ST3GAL3: variants seen among roughly 807,000 people sequenced by gnomAD.
The protein encoded by ST3GAL3 is CMP-N-acetylneuraminate-beta-1,4-galactoside alpha-2,3-sialyltransferase.
ST3GAL3 carries 21 observed loss-of-function variants against 50.1 expected under a neutral mutation model. That is an observed-to-expected ratio of 0.42 (90% confidence interval 0.30 to 0.60). The LOEUF is 0.60. Ranked by LOEUF, ST3GAL3 falls within the 20% of genes least tolerant of loss-of-function variation. The pLI, the probability that ST3GAL3 is intolerant of heterozygous loss-of-function variation, is 0.19. For missense variants in ST3GAL3, 353 were observed against 489.4 expected (o/e 0.72, Z 2.63); for synonymous variants, 183 against 190.0 (o/e 0.96, Z 0.30).
chr1:43,860,113 C>A (rs768973751), intron 5 of ST3GAL3, among the ~76,000 whole-genome samples: 9 of 152,194 alleles, frequency 5.9e-5, no homozygotes, highest in Non-Finnish European at 1.0e-4. Flanking sequence ...AGGGCGTATG[C>A]AAGGAGAATG....
intron 11 of ST3GAL3, among the ~76,000 whole-genome samples, chr1:43,928,617 A>C (rs2084457218): frequency 6.7e-6 from 1 of 150,258 alleles, no homozygotes; most frequent in South Asian, 2.1e-4. Context: ...AAACAAAAAC[A>C]TTTATGGTGG....
intron 5 of ST3GAL3, among the ~76,000 whole-genome samples, chr1:43,885,842 G>A (rs553348043): frequency 2.6e-5 from 4 of 152,200 alleles, no homozygotes; most frequent in Admixed American, 6.5e-5. Context: ...AGCCTCCCTC[G>A]GGGAGTCAGG....
chr1:43,733,720 CA>C (rs1446282649), intron 1 of ST3GAL3, among the ~76,000 whole-genome samples: 3 of 152,180 alleles, frequency 2.0e-5, no homozygotes, highest in Non-Finnish European at 4.4e-5. Flanking sequence ...TCTTTAGATC[CA>C]AGTTCAGAAA....
chr1:43,787,322 G>T (rs1334789769), intron 2 of ST3GAL3, among the ~76,000 whole-genome samples: 1 of 152,194 alleles, frequency 6.6e-6, no homozygotes, highest in African/African-American at 2.4e-5. Flanking sequence ...TTCTTGCTCT[G>T]TTCCTTGCAA....
intron 2 of ST3GAL3, among the ~76,000 whole-genome samples, chr1:43,783,914 C>T (rs1310870458): frequency 1.3e-5 from 2 of 152,158 alleles, no homozygotes; most frequent in African/African-American, 4.8e-5. Context: ...CATGGTGACT[C>T]ACTTTTTAAA....
At chr1:43,919,361 G>A (rs1324216774) in intron 9 of ST3GAL3, 2 of 152,288 alleles carry the variant, frequency 1.3e-5, no homozygotes, top group African/African-American at 4.8e-5. Context: ...TTACAGGCAT[G>A]AGCCACTGCG....
chr1:43,814,088 A>C (rs1274552999), intron 3 of ST3GAL3, among the ~76,000 whole-genome samples: 5 of 152,200 alleles, frequency 3.3e-5, no homozygotes, highest in African/African-American at 7.2e-5. Context: ...ATACTGCTGA[A>C]CCATGAAATC....
chr1:43,850,375 G>A, intron 5 of ST3GAL3: 1 of 553,290 alleles, frequency 1.8e-6, no homozygotes, highest in Non-Finnish European at 3.5e-6. Context: ...ACACACCCCT[G>A]GTATTTATGC....
At chr1:43,759,305 GT>G (rs1689408081) in intron 2 of ST3GAL3, among the ~76,000 whole-genome samples, 1 of 152,122 alleles carries the variant, frequency 6.6e-6, no homozygotes, top group South Asian at 2.1e-4. Context: ...TTAGCTGGGC[GT>G]GGTGGCATGT....
At chr1:43,858,739 A>G (rs1205489306) in intron 5 of ST3GAL3, among the ~76,000 whole-genome samples, 4 of 152,168 alleles carry the variant, frequency 2.6e-5, no homozygotes, top group South Asian at 2.1e-4. Context: ...TGGCACCTTC[A>G]GGACTGTGTC....
intron 2 of ST3GAL3, among the ~76,000 whole-genome samples, chr1:43,776,406 A>T (rs1305339258): frequency 1.3e-5 from 2 of 152,132 alleles, no homozygotes; most frequent in African/African-American, 4.8e-5. Context: ...ATTTCTTATT[A>T]TGGCCAAATA....
chr1:43,813,711 G>C (rs1157473993), intron 3 of ST3GAL3, among the ~76,000 whole-genome samples: 1 of 152,172 alleles, frequency 6.6e-6, no homozygotes, highest in Non-Finnish European at 1.5e-5. Context: ...TCTTTTTGCT[G>C]TTCACTGCTT....
intron 2 of ST3GAL3, among the ~76,000 whole-genome samples, chr1:43,780,892 G>A (rs949184529): frequency 5.3e-5 from 8 of 151,696 alleles, no homozygotes; most frequent in African/African-American, 1.5e-4. Flanking sequence ...GTCTCCTGTC[G>A]TTATAGCAAA....
intron 1 of ST3GAL3, among the ~76,000 whole-genome samples, chr1:43,721,638 C>T (rs566837936): frequency 1.3e-5 from 2 of 150,482 alleles, no homozygotes; most frequent in South Asian, 4.2e-4. Context: ...GAGTTTCGCT[C>T]TTGTCCAGGC....
At chr1:43,902,734 G>A (rs952022167) in intron 9 of ST3GAL3, among the ~76,000 whole-genome samples, 1 of 152,228 alleles carries the variant, frequency 6.6e-6, no homozygotes, top group Non-Finnish European at 1.5e-5. Context: ...TGGAGCCAGG[G>A]ACATGGGGGT....
chr1:43,709,997 T>A (rs1249446589), intron 1 of ST3GAL3, among the ~76,000 whole-genome samples: 1 of 151,832 alleles, frequency 6.6e-6, no homozygotes, highest in Non-Finnish European at 1.5e-5. Context: ...GCACCTCAAG[T>A]TTATTCTTAC....
chr1:43,895,407 G>T (rs920404245), intron 6 of ST3GAL3, among the ~76,000 whole-genome samples: 22 of 152,256 alleles, frequency 1.4e-4, no homozygotes, highest in African/African-American at 4.8e-4. Context: ...GCTATTTCAT[G>T]GCATGGTGGA....
At chr1:43,754,573 G>A (rs1687366735) in intron 2 of ST3GAL3, among the ~76,000 whole-genome samples, 1 of 152,190 alleles carries the variant, frequency 6.6e-6, no homozygotes, top group Non-Finnish European at 1.5e-5. Context: ...GTTGGATGAA[G>A]CTGAACAAAA....
At chr1:43,890,533 A>G (rs2076554448) in intron 5 of ST3GAL3, among the ~76,000 whole-genome samples, 1 of 152,204 alleles carries the variant, frequency 6.6e-6, no homozygotes, top group Non-Finnish European at 1.5e-5. Context: ...GCAGCTACAG[A>G]AAGAAAATCC....
Sources: allele counts gnomAD v4.1 joint callset (sites outside exome capture counted in the v4.1 genomes callset), GRCh38; gene constraint gnomAD v4.1.1; transcripts MANE v1.5; gene names NCBI Gene and HGNC (gene_info 2026-07-23, HGNC 2026-07-21).